The following EPB41 variants were observed in gnomAD, a reference collection of about 807,000 sequenced individuals.
The protein encoded by EPB41 is erythrocyte membrane protein band 4.1, also known as protein 4.1.
A neutral mutation model predicts 108.0 loss-of-function variants in EPB41; 65 were observed. That is an observed-to-expected ratio of 0.60 (90% CI 0.49 to 0.74). EPB41 has a LOEUF of 0.74. EPB41 is among the 30% of genes least tolerant of loss of function. The probability of loss-of-function intolerance (pLI) is 0.00; values close to 1 mark genes in which losing one functional copy is unlikely to be tolerated. For synonymous variants in EPB41, 336 were observed against 358.9 expected, an observed-to-expected ratio of 0.94 and a Z score of 0.72; for missense variants, 875 against 1,037.0, an observed-to-expected ratio of 0.84 and a Z score of 2.15.
chr1:28,987,256 A>T (rs1231440169), intron 1 of EPB41, among the ~76,000 whole-genome samples, 175 bp from the exon 2 acceptor site: 1 of 152,168 alleles, frequency 6.6e-6, no homozygotes, highest in African/African-American at 2.4e-5. Context: ...TTTATTCAGG[A>T]TGTGTAGATA....
At chr1:29,095,251 T>C (rs1296362140) in intron 16 of EPB41, among the ~76,000 whole-genome samples, 1 of 152,206 alleles carries the variant, frequency 6.6e-6, no homozygotes, top group Admixed American at 6.5e-5. Flanking sequence ...AGGTGTTGTG[T>C]CATTCATCTG....
At position 29,058,585 on chromosome 1, in the gene EPB41, G is replaced by A. The variant is rs1645959020; in HGVS notation, c.1846-4G>A. 4.3e-6 allele frequency: 7 copies of A among 1,613,008 alleles called. No homozygotes were observed. The East Asian group carries it at 1.6e-4, about 36-fold the overall frequency. ...TTTTTACTACTTTTATTTCTTAAAT[G>A]TAGGTGGAAAAAACCCACATCGAGG... is the stretch of plus-strand genomic sequence containing the variant. On this transcript the variant is annotated splice_polypyrimidine_tract_variant and splice_region_variant and intron_variant, in intron 12 of 20. Coordinates refer to ENST00000343067, the MANE Select transcript of EPB41 (RefSeq NM_001376013.1).
chr1:29,053,178 G>A lies in EPB41; in HGVS notation c.1711G>A (p.Glu571Lys), dbSNP rs1644816298. ...APAITQGQVA[E>K]GGVLDASAKK... ...TGCCATTACTCAGGGTCAGGTTGCA[G>A]AAGGTGGCGTCCTAGATGCCTCTGC... is the stretch of plus-strand genomic sequence containing the variant. Residue 571 changes from glutamate to lysine, a missense_variant, in exon 12 of 21, where the codon GAA becomes AAA. Physicochemically the swap from Glu to Lys is moderately conservative, Grantham distance 56 (BLOSUM62 1). Transcript: ENST00000343067. 1.2e-6 allele frequency: 2 copies of A among 1,614,102 alleles called. No homozygotes were observed. Among genetic ancestry groups the A allele is most frequent in the Non-Finnish European group, 1.7e-6 (2 of 1,180,058 alleles).
At chr1:28,976,170 A>T (rs2095604327) in intron 1 of EPB41, among the ~76,000 whole-genome samples, 1 of 152,076 alleles carries the variant, frequency 6.6e-6, no homozygotes, top group East Asian at 1.9e-4. Flanking sequence ...AATTATCACC[A>T]TGTTTAATGG....
At position 29,061,572 on chromosome 1, in the gene EPB41, G is replaced by GTTTTTT. The variant is rs34413393; in HGVS notation, c.2007+1109_2007+1114dup. On this transcript the variant is annotated intron_variant, in intron 15 of 20. Coordinates refer to ENST00000343067, the MANE Select transcript of EPB41 (RefSeq NM_001376013.1). ...GCGTGAGCCACTGCGCCTGGCCTTT[G>GTTTTTT]TTTTTTTTTTTTTTTTTTTTTTTTT... Among the ~76,000 whole-genome samples the GTTTTTT allele has an allele frequency of 7.8e-4, 50 of 64,046 alleles. 10 individuals carry two copies. The highest frequency in any genetic ancestry group is 2.2e-3 in the African/African-American group (36 of 16,302). 42.0% of individuals were successfully genotyped at this position (64,046 alleles called of 152,430 possible).
rs1270441727 is a variant in EPB41 at position 28,987,454 on chromosome 1, G to A, written c.17G>A (p.Ser6Asn). ...AGCAACATCATGACAACAGAGAAGA[G>A]TTTAGTGACTGAGGCCGAAAATTCA... Reference protein sequence around the residue: MTTEKSLVTEAENSQH... With the variant: MTTEKNLVTEAENSQH... The change falls in exon 2 of 21, where the codon AGT becomes AAT. Residue 6 changes from serine (S) to asparagine (N), a missense_variant. Ser to Asn is a conservative substitution (Grantham distance 46, BLOSUM62 1). Transcript: ENST00000343067. 6.2e-7 allele frequency: 1 copy of A among 1,614,126 alleles called. No individual in the cohort carries two copies.
chr1:28,919,460 CCTTT>C (rs931377153), intron 1 of EPB41, among the ~76,000 whole-genome samples: 4 of 151,958 alleles, frequency 2.6e-5, no homozygotes, highest in Non-Finnish European at 4.4e-5. Context: ...CCTTAAAAGT[CCTTT>C]CTTTCTTTTT....
chr1:29,037,018 C>A (rs1639754187), intron 10 of EPB41, among the ~76,000 whole-genome samples: 1 of 151,248 alleles, frequency 6.6e-6, no homozygotes, highest in Non-Finnish European at 1.5e-5. Context: ...CTAATGAAAC[C>A]CAGAAAGGGA....
chr1:29,009,188 A>T (rs1483896030), intron 4 of EPB41, among the ~76,000 whole-genome samples: 2 of 150,394 alleles, frequency 1.3e-5, no homozygotes, highest in African/African-American at 4.9e-5. Flanking sequence ...ACATGGAAGC[A>T]TTCCTCAAAT....
rs1668393099 is a variant in EPB41, at chr1:29,109,364, C to T, written c.2342C>T (p.Pro781Leu). ...GACGACAACAGTGGAGACTTGGACC[C>T]AGGAGTCTTGCTGACAGCTCAAACT... ...QTDDNSGDLD[P>L]GVLLTAQTIT... The change falls in exon 18 of 21, where the codon CCA becomes CTA. Residue 781 changes from proline to leucine, a missense_variant. Coordinates refer to ENST00000343067, the MANE Select transcript of EPB41 (RefSeq NM_001376013.1). 6.2e-7 allele frequency: 1 copy of T among 1,614,112 alleles called. No homozygotes were observed. Among genetic ancestry groups the T allele is most frequent in the East Asian group, 2.2e-5 (1 of 44,878 alleles).
At chr1:28,993,213 C>T (rs2096069535) in intron 2 of EPB41, 117 bp from the exon 3 acceptor site, 1 of 807,640 alleles carries the variant, frequency 1.2e-6, no homozygotes, top group Non-Finnish European at 2.1e-6. Flanking sequence ...ATATTAATGT[C>T]ACCTATATTT....
intron 12 of EPB41, chr1:29,054,352 A>C (rs1272478692): frequency 6.6e-6 from 1 of 152,216 alleles, no homozygotes; most frequent in Non-Finnish European, 1.5e-5. Flanking sequence ...TATGAGAAGC[A>C]GTCTTCATAA....
intron 3 of EPB41, among the ~76,000 whole-genome samples, chr1:28,996,330 C>G (rs554596554): frequency 3.7e-4 from 56 of 152,298 alleles, no homozygotes; most frequent in Non-Finnish European, 6.8e-4. Context: ...CCTAGCACCA[C>G]TGAAGGAGCC....
At chr1:28,999,738 G>C (rs1174577834) in intron 4 of EPB41, among the ~76,000 whole-genome samples, 1 of 152,046 alleles carries the variant, frequency 6.6e-6, no homozygotes, top group East Asian at 1.9e-4. Flanking sequence ...CACCATTGTT[G>C]GGATTTATAT....
chr1:29,000,448 C>T (rs1242985694), intron 4 of EPB41, among the ~76,000 whole-genome samples: 1 of 152,154 alleles, frequency 6.6e-6, no homozygotes, highest in Non-Finnish European at 1.5e-5. Context: ...TTTATGTTCA[C>T]CTATATATTT....
chr1:28,923,414 G>A (rs1021754478), intron 1 of EPB41, among the ~76,000 whole-genome samples: 2 of 151,976 alleles, frequency 1.3e-5, no homozygotes, highest in African/African-American at 4.8e-5. Context: ...TTTCTTAACG[G>A]TAGATTGATA....
intron 1 of EPB41, among the ~76,000 whole-genome samples, chr1:28,960,220 A>T (rs2149118930): frequency 6.6e-6 from 1 of 151,086 alleles, no homozygotes; most frequent in Non-Finnish European, 1.5e-5. Flanking sequence ...CATGTTACCC[A>T]GGCTGGTCTT....
At chr1:29,033,389 A>G in intron 9 of EPB41, 144 bp downstream of exon 9, 2 of 949,298 alleles carry the variant, frequency 2.1e-6, no homozygotes, top group Admixed American at 2.1e-5. Flanking sequence ...TTCTAAGTTG[A>G]TCAGTCCTGT....
At chr1:29,080,266 G>A (rs994708854) in intron 16 of EPB41, among the ~76,000 whole-genome samples, 4 of 151,574 alleles carry the variant, frequency 2.6e-5, no homozygotes, top group Non-Finnish European at 4.4e-5. Flanking sequence ...TTACAGACGC[G>A]AACCACCGCA....
Sources: gnomAD v4.1 joint callset for allele counts (sites outside exome capture counted in the v4.1 genomes callset) on GRCh38, gnomAD v4.1.1 for gene constraint, MANE v1.5 for transcripts, NCBI Gene and HGNC (gene_info 2026-07-23, HGNC 2026-07-21) for gene names.